DOCK3: variants seen among roughly 807,000 people sequenced by gnomAD.
The protein encoded by DOCK3 is dedicator of cytokinesis protein 3.
In DOCK3, 60 loss-of-function variants were observed where a neutral mutation model predicts 265.6. The ratio of observed to expected loss-of-function variants is 0.23; its 90% CI spans 0.18 to 0.28. The LOEUF is 0.28. Among genes scored for constraint, DOCK3 ranks in the 10% least tolerant of loss-of-function variants. DOCK3 has a pLI of 1.00. For synonymous variants in DOCK3, 881 were observed against 938.0 expected, an observed-to-expected ratio of 0.94 and a Z score of 1.11; for missense variants, 1,981 against 2,594.3, an observed-to-expected ratio of 0.76 and a Z score of 5.14.
intron 22 of DOCK3, among the ~76,000 whole-genome samples, chr3:51,249,939 C>T (rs1006652223): frequency 6.6e-6 from 1 of 151,338 alleles, no homozygotes; most frequent in Non-Finnish European, 1.5e-5. Context: ...AAGAAAAATT[C>T]TTCTGCCTTG....
chr3:50,934,996 A>G (rs2051275051), intron 5 of DOCK3, among the ~76,000 whole-genome samples: 1 of 152,200 alleles, frequency 6.6e-6, no homozygotes, highest in Admixed American at 6.5e-5. Flanking sequence ...TGAACTACCA[A>G]GGGATTTGGG....
chr3:50,880,119 C>T (rs989045863), intron 3 of DOCK3, among the ~76,000 whole-genome samples: 12 of 152,146 alleles, frequency 7.9e-5, no homozygotes, highest in Non-Finnish European at 1.3e-4. Context: ...ATCTCTGGAA[C>T]ACATTTAAAG....
intron 3 of DOCK3, among the ~76,000 whole-genome samples, chr3:50,877,847 G>A (rs1176883370): frequency 1.3e-5 from 2 of 152,014 alleles, no homozygotes; most frequent in African/African-American, 4.8e-5. Flanking sequence ...CTAACTGGGA[G>A]TAACCTAACT....
intron 2 of DOCK3, among the ~76,000 whole-genome samples, chr3:50,833,812 T>TA (rs2045338990): frequency 6.6e-6 from 1 of 152,198 alleles, no homozygotes; most frequent in African/African-American, 2.4e-5. Flanking sequence ...AGAACATTCT[T>TA]ACTGCACTTA....
intron 1 of DOCK3, among the ~76,000 whole-genome samples, chr3:50,680,153 A>T (rs911955180): frequency 2.6e-5 from 4 of 152,090 alleles, no homozygotes; most frequent in Non-Finnish European, 5.9e-5. Flanking sequence ...TTTCAATTTA[A>T]ACTGGATAGT....
At chr3:51,028,962 G>A (rs1173479883) in intron 5 of DOCK3, among the ~76,000 whole-genome samples, 1 of 152,144 alleles carries the variant, frequency 6.6e-6, no homozygotes, top group African/African-American at 2.4e-5. Context: ...GTGATCCTTT[G>A]GAGGTGAAGA....
chr3:51,084,056 GA>G (rs1282031635), intron 7 of DOCK3, among the ~76,000 whole-genome samples: 2 of 151,900 alleles, frequency 1.3e-5, no homozygotes, highest in African/African-American at 4.8e-5. Context: ...CAGATGAAAA[GA>G]AAAAAGAGTA....
intron 49 of DOCK3, among the ~76,000 whole-genome samples, chr3:51,370,493 G>C (rs1202566653): frequency 6.6e-6 from 1 of 152,224 alleles, no homozygotes; most frequent in African/African-American, 2.4e-5. Context: ...GGAGGAATAA[G>C]CAGGCCCTGC....
intron 12 of DOCK3, among the ~76,000 whole-genome samples, chr3:51,162,716 A>T (rs1560146949): frequency 6.6e-6 from 1 of 152,230 alleles, no homozygotes; most frequent in East Asian, 1.9e-4. Flanking sequence ...ATTCCTCCTG[A>T]AATCATGCTG....
chr3:51,087,761 T>G (rs933418568), intron 7 of DOCK3, among the ~76,000 whole-genome samples: 4 of 152,076 alleles, frequency 2.6e-5, no homozygotes, highest in African/African-American at 9.7e-5. Context: ...CTCTTAGAAC[T>G]GATATACTGA....
At chr3:50,761,736 TC>T (rs1357875013) in intron 1 of DOCK3, among the ~76,000 whole-genome samples, 1 of 152,170 alleles carries the variant, frequency 6.6e-6, no homozygotes, top group African/African-American at 2.4e-5. Flanking sequence ...TGATAAAATG[TC>T]CGTTCCCATC....
At position 51,290,012 on chromosome 3, in the gene DOCK3, G is replaced by A. The variant is rs1437636525; in HGVS notation, c.2922+9808G>A. Among the ~76,000 whole-genome samples, 10 of 152,146 alleles carry A rather than the reference G, an allele frequency of 6.6e-5. No homozygotes were observed. The South Asian group carries it at 1.0e-3, about 16-fold the overall frequency. ...ATCATCTCACACCAGTTAGAATGGC[G>A]ATCATTAAAAAGTCAGGAAACAACA... On this transcript the variant is annotated intron_variant, in intron 27 of 52. Transcript: ENST00000266037.
intron 1 of DOCK3, among the ~76,000 whole-genome samples, chr3:50,776,381 T>C (rs2041601495): frequency 6.6e-6 from 1 of 152,172 alleles, no homozygotes; most frequent in Admixed American, 6.5e-5. Context: ...TGTTTGTGTA[T>C]CTTCTTTTGA....
At chr3:50,841,738 C>CATTTTTTTTTCT in intron 3 of DOCK3, 23 bp downstream of exon 3, 1 of 536,468 alleles carries the variant, frequency 1.9e-6, no homozygotes, top group Non-Finnish European at 3.0e-6. Context: ...TTATTGTTAC[C>CATTTTTTTTTCT]TTTTCTAATG....
intron 2 of DOCK3, among the ~76,000 whole-genome samples, chr3:50,827,580 A>G (rs755195058): frequency 3.3e-5 from 5 of 152,138 alleles, no homozygotes; most frequent in Admixed American, 6.5e-5. Flanking sequence ...GGAAGACAAA[A>G]CATTCTGTCT....
intron 14 of DOCK3, among the ~76,000 whole-genome samples, chr3:51,220,558 G>A (rs749941706): frequency 4.0e-5 from 6 of 151,126 alleles, no homozygotes; most frequent in Non-Finnish European, 8.8e-5. Context: ...TCAGGAGGCT[G>A]AGGCTGGAGA....
intron 1 of DOCK3, among the ~76,000 whole-genome samples, chr3:50,765,848 A>G (rs2040839237): frequency 6.6e-6 from 1 of 152,196 alleles, no homozygotes; most frequent in African/African-American, 2.4e-5. Context: ...TATGAAATAG[A>G]ACACCAGAAT....
intron 9 of DOCK3, among the ~76,000 whole-genome samples, chr3:51,114,089 A>G (rs896645134): frequency 1.4e-5 from 2 of 139,268 alleles, no homozygotes; most frequent in African/African-American, 5.5e-5. Flanking sequence ...AGTCTGGGCA[A>G]CAGAGCAAGA....
intron 22 of DOCK3, among the ~76,000 whole-genome samples, chr3:51,250,579 G>T (rs150531950): frequency 6.6e-6 from 1 of 152,074 alleles, no homozygotes; most frequent in South Asian, 2.1e-4. Context: ...AGATTGTGCC[G>T]CTGCACTCCA....
Sources: allele counts gnomAD v4.1 joint callset (sites outside exome capture counted in the v4.1 genomes callset), GRCh38; gene constraint gnomAD v4.1.1; transcripts MANE v1.5; gene names NCBI Gene and HGNC (gene_info 2026-07-23, HGNC 2026-07-21).